The following FUT9 variants were observed in gnomAD, a reference collection of about 807,000 sequenced individuals.
FUT9 encodes the protein fucosyltransferase 9, also known as 4-galactosyl-N-acetylglucosaminide 3-alpha-L-fucosyltransferase 9.
FUT9 carries 15 observed loss-of-function variants against 29.7 expected under a neutral mutation model. The observed-to-expected ratio is 0.51, with a 90% CI of 0.34 to 0.78. FUT9 has a LOEUF of 0.78. Ranked by LOEUF, FUT9 falls within the 30% of genes least tolerant of loss-of-function variation. FUT9 has a pLI of 0.01. For missense variants in FUT9, 319 were observed against 425.4 expected, an observed-to-expected ratio of 0.75 and a Z score of 2.20; for synonymous variants, 169 against 153.7, an observed-to-expected ratio of 1.10 and a Z score of -0.74.
At chr6:96,055,939 T>C (rs1265270394) in intron 1 of FUT9, among the ~76,000 whole-genome samples, 1 of 152,172 alleles carries the variant, frequency 6.6e-6, no homozygotes, top group Non-Finnish European at 1.5e-5. Context: ...ATTTGTCTTC[T>C]ATGTTGAAAC....
chr6:96,108,189 C>A (rs1416323489), intron 1 of FUT9, among the ~76,000 whole-genome samples: 2 of 151,974 alleles, frequency 1.3e-5, no homozygotes, highest in African/African-American at 4.8e-5. Context: ...AAGAGCCAAC[C>A]AACATTTTTT....
intron 2 of FUT9, among the ~76,000 whole-genome samples, chr6:96,141,203 T>C (rs1489095851): frequency 2.6e-5 from 4 of 152,194 alleles, no homozygotes; most frequent in Admixed American, 6.5e-5. Context: ...TTTATTACTG[T>C]TTTTATACTT....
At chr6:96,069,898 T>C (rs2127947074) in intron 1 of FUT9, among the ~76,000 whole-genome samples, 1 of 152,240 alleles carries the variant, frequency 6.6e-6, no homozygotes, top group East Asian at 1.9e-4. Flanking sequence ...CTCAAAGTGC[T>C]GGGATTACAG....
At chr6:96,023,145 CA>C in intron 1 of FUT9, among the ~76,000 whole-genome samples, 1 of 152,062 alleles carries the variant, frequency 6.6e-6, no homozygotes, top group East Asian at 1.9e-4. Flanking sequence ...GTGAGGAACA[CA>C]CCATCTCCAA....
chr6:96,147,406 T>A (rs1186083977), intron 2 of FUT9, among the ~76,000 whole-genome samples: 1 of 152,050 alleles, frequency 6.6e-6, no homozygotes, highest in Non-Finnish European at 1.5e-5. Flanking sequence ...TGACTTCAGG[T>A]GATCCGCCTG....
Position 96,140,994 on chromosome 6 carries a change from G to T in FUT9, c.-9+26867G>T, listed in dbSNP as rs1422505997. ...GGTAATAATTAAAACAAACACTTCA[G>T]TTTCTGGGTTGTAAAGAGGAGTTTT... is the stretch of plus-strand genomic sequence containing the variant. On this transcript the variant is annotated intron_variant, in intron 2 of 2. Coordinates refer to ENST00000302103, the MANE Select transcript of FUT9 (RefSeq NM_006581.4). Among the ~76,000 whole-genome samples, 4 of 152,200 alleles carry T rather than the reference G, an allele frequency of 2.6e-5. No individual in the cohort carries two copies. In the East Asian group the frequency reaches 7.7e-4, roughly 29 times the overall value.
intron 1 of FUT9, among the ~76,000 whole-genome samples, chr6:96,019,975 G>T (rs1367257813): frequency 6.6e-6 from 1 of 152,010 alleles, no homozygotes; most frequent in Non-Finnish European, 1.5e-5. Flanking sequence ...TAAAGGAGAA[G>T]TCAGTATTAA....
intron 1 of FUT9, among the ~76,000 whole-genome samples, chr6:96,036,040 A>G (rs1770359465): frequency 7.6e-6 from 1 of 132,234 alleles, no homozygotes; most frequent in Admixed American, 8.4e-5. Flanking sequence ...AATATAATAC[A>G]TTATGTTTAT....
At chr6:96,054,747 A>T (rs564911678) in intron 1 of FUT9, among the ~76,000 whole-genome samples, 2 of 152,292 alleles carry the variant, frequency 1.3e-5, no homozygotes, top group East Asian at 3.9e-4. Context: ...TTGCAGTCCT[A>T]ATCCCTTTGT....
At chr6:96,132,545 G>A (rs1483168333) in intron 2 of FUT9, among the ~76,000 whole-genome samples, 1 of 152,058 alleles carries the variant, frequency 6.6e-6, no homozygotes, top group East Asian at 1.9e-4. Flanking sequence ...CAAAAAAGCT[G>A]AAAATTGTCC....
chr6:96,173,232 C>T (rs528761401), intron 2 of FUT9, among the ~76,000 whole-genome samples: 12 of 151,392 alleles, frequency 7.9e-5, no homozygotes, highest in African/African-American at 2.9e-4. Flanking sequence ...TGTCATCTTA[C>T]TTATGTAGAC....
chr6:96,058,338 T>G (rs1459717638), intron 1 of FUT9, among the ~76,000 whole-genome samples: 1 of 152,038 alleles, frequency 6.6e-6, no homozygotes, highest in African/African-American at 2.4e-5. Context: ...AAGCTTGAAT[T>G]TTTTAAAGCT....
At chr6:96,054,703 A>G (rs1243853056) in intron 1 of FUT9, among the ~76,000 whole-genome samples, 3 of 152,212 alleles carry the variant, frequency 2.0e-5, no homozygotes, top group Non-Finnish European at 4.4e-5. Flanking sequence ...AGCACATGGA[A>G]GAGCCCTAAC....
chr6:96,037,054 C>T (rs180782738), intron 1 of FUT9: 1 of 151,992 alleles, frequency 6.6e-6, no homozygotes, highest in East Asian at 1.9e-4. Flanking sequence ...CAAGAGCCTG[C>T]GAATCTCTGG....
chr6:96,202,463 T>C lies in FUT9; in HGVS notation c.-8-685T>C, dbSNP rs529558633. 2.6e-5 allele frequency among the ~76,000 whole-genome samples: 4 copies of C among 152,224 alleles called. No individual in the cohort carries two copies. In the South Asian group the frequency reaches 8.3e-4, roughly 32 times the overall value. ...GATATTGGATGTACTAACAAATTATTAAAAGTAAACAAAGAAAACTGTAAG... is the reference window on the plus strand; with the variant it reads ...GATATTGGATGTACTAACAAATTATCAAAAGTAAACAAAGAAAACTGTAAG... On this transcript the variant is annotated intron_variant, in intron 2 of 2. Transcript: ENST00000302103.
At chr6:96,179,172 A>C (rs1272782906) in intron 2 of FUT9, among the ~76,000 whole-genome samples, 2 of 152,128 alleles carry the variant, frequency 1.3e-5, no homozygotes, top group Admixed American at 6.6e-5. Flanking sequence ...CATTCCAAAC[A>C]AACCAAGAAA....
chr6:96,071,361 G>A (rs577743639), intron 1 of FUT9, among the ~76,000 whole-genome samples: 46 of 152,232 alleles, frequency 3.0e-4, no homozygotes, highest in African/African-American at 1.0e-3. Flanking sequence ...AGTATGTTCT[G>A]GGAGGTAGTT....
chr6:96,074,848 C>G (rs1582212398), intron 1 of FUT9, among the ~76,000 whole-genome samples: 1 of 152,146 alleles, frequency 6.6e-6, no homozygotes, highest in Middle Eastern at 3.4e-3. Context: ...ATGAACACAG[C>G]TCACTTCATC....
intron 1 of FUT9, among the ~76,000 whole-genome samples, chr6:96,100,227 ACCAACACACACACACACAC>A (rs1771563732): frequency 8.8e-6 from 1 of 113,120 alleles, no homozygotes; most frequent in Non-Finnish European, 1.8e-5. Flanking sequence ...ACACACACAC[ACCAACACACACACACACAC>A]ACACACACAC....
Sources: allele counts gnomAD v4.1 joint callset (sites outside exome capture counted in the v4.1 genomes callset), GRCh38; gene constraint gnomAD v4.1.1; transcripts MANE v1.5; gene names NCBI Gene and HGNC (gene_info 2026-07-23, HGNC 2026-07-21).